The following LIPA variants were observed in gnomAD, a reference collection of about 807,000 sequenced individuals.
LIPA encodes lipase A, lysosomal acid type.
A neutral mutation model predicts 40.6 loss-of-function variants in LIPA; 26 were observed. The observed-to-expected ratio is 0.64, with a 90% CI of 0.47 to 0.89. The LOEUF is 0.89. Among genes scored for constraint, LIPA ranks in the 40% least tolerant of loss-of-function variants. The pLI, the probability that LIPA is intolerant of heterozygous loss-of-function variation, is 0.00. For synonymous variants in LIPA, 188 were observed against 168.4 expected (o/e 1.12, Z -0.90); for missense variants, 455 against 479.6 (o/e 0.95, Z 0.48).
At chr10:89,302,115 A>G (rs1843448770) in intron 1 of LIPA, 1 of 1,613,988 alleles carries the variant, frequency 6.2e-7, no homozygotes, top group Non-Finnish European at 8.5e-7. Context: ...TGAGAATTGC[A>G]CTGCAACCAT....
exon 1 of LIPA, chr10:89,414,544 T>G: frequency 2.3e-6 from 1 of 440,538 alleles, no homozygotes. Context: ...GAAGCTTACG[T>G]TTAGTTTCGA....
At chr10:89,354,655 C>A (rs12249929) in intron 2 of LIPA, among the ~76,000 whole-genome samples, 4,627 of 152,238 alleles carry the variant, frequency 0.03, 127 homozygotes, top group African/African-American at 0.071. Flanking sequence ...GCAACCTCTG[C>A]CTCTCAGGTT....
intron 1 of LIPA, among the ~76,000 whole-genome samples, chr10:89,278,983 G>A (rs149507184): frequency 4.5e-4 from 68 of 152,158 alleles, no homozygotes; most frequent in Middle Eastern, 3.4e-3. Context: ...ATGGTAACAG[G>A]TTTTTACCAA....
chr10:89,373,056 G>A (rs369311214), intron 2 of LIPA, among the ~76,000 whole-genome samples: 75 of 151,352 alleles, frequency 5.0e-4, no homozygotes, highest in Middle Eastern at 3.4e-3. Context: ...ACGTGGGGCC[G>A]GACGCGGTGG....
chr10:89,414,553 G>T, exon 1 of LIPA: 1 of 449,132 alleles, frequency 2.2e-6, no homozygotes, highest in Non-Finnish European at 3.9e-6. Flanking sequence ...GTTTAGTTTC[G>T]ATTTCTTAAG....
chr10:89,396,950 A>G (rs2133620066), intron 2 of LIPA, among the ~76,000 whole-genome samples: 1 of 152,324 alleles, frequency 6.6e-6, no homozygotes, highest in South Asian at 2.1e-4. Flanking sequence ...GATGAGCTGT[A>G]AATATACTTA....
upstream of LIPA, among the ~76,000 whole-genome samples, chr10:89,252,384 A>C (rs954733897): frequency 2.6e-5 from 4 of 152,244 alleles, no homozygotes; most frequent in Non-Finnish European, 2.9e-5. Flanking sequence ...TATAGAAACC[A>C]ACCAAACAAG....
chr10:89,215,196 G>A, intron 9 of LIPA, 135 bp from the exon 10 acceptor site: 1 of 732,476 alleles, frequency 1.4e-6, no homozygotes, highest in Non-Finnish European at 2.4e-6. Flanking sequence ...ATCTCTTTGA[G>A]TATCTTTTCA....
intron 1 of LIPA, among the ~76,000 whole-genome samples, chr10:89,326,576 C>G (rs1267860771): frequency 1.3e-5 from 2 of 152,024 alleles, no homozygotes; most frequent in Non-Finnish European, 2.9e-5. Flanking sequence ...TTCAAAATAA[C>G]TAAAAGAGTA....
At chr10:89,322,242 C>T (rs1337619396) in intron 1 of LIPA, among the ~76,000 whole-genome samples, 2 of 151,926 alleles carry the variant, frequency 1.3e-5, no homozygotes, top group African/African-American at 2.4e-5. Flanking sequence ...GTTTCGAGCT[C>T]GGGGTTAAGA....
intron 2 of LIPA, among the ~76,000 whole-genome samples, chr10:89,379,313 C>T (rs304506): frequency 0.17 from 26,451 of 152,108 alleles, 2,973 homozygotes; most frequent in East Asian, 0.46. Flanking sequence ...CCTAAACCTG[C>T]TGACTCAGAA....
intron 2 of LIPA, chr10:89,383,582 C>A: frequency 6.2e-7 from 1 of 1,614,188 alleles, no homozygotes; most frequent in Non-Finnish European, 8.5e-7. Context: ...GCCAACCAAG[C>A]AGATATTAGA....
Position 89,318,149 on chromosome 10 carries a change from C to T in LIPA, c.-2+24462G>A, listed in dbSNP as rs138528933. On this transcript the variant is annotated intron_variant, in intron 1 of 5. Coordinates refer to the LIPA transcript ENST00000282673. ...AAAGACCATCGGTGCTAGGAAGAAA[C>T]GGCATCAGCTAACGAGCAAAATAAC... 5.6e-3 allele frequency among the ~76,000 whole-genome samples: 852 copies of T among 152,272 alleles called. 3 individuals are homozygous for T. The highest frequency in any genetic ancestry group is 0.024 in the Middle Eastern group (7 of 294).
intron 2 of LIPA, chr10:89,384,767 G>A: frequency 6.8e-7 from 1 of 1,478,590 alleles, no homozygotes; most frequent in Non-Finnish European, 9.2e-7. Flanking sequence ...CCATTTAATG[G>A]TCTTATAACT....
At chr10:89,346,756 G>A (rs1043494997), upstream of LIPA, among the ~76,000 whole-genome samples, 4 of 152,210 alleles carry the variant, frequency 2.6e-5, no homozygotes, top group African/African-American at 9.7e-5. Flanking sequence ...AGATCCACCA[G>A]GGGATGGACA....
chr10:89,266,955 A>C (rs1350461501), intron 1 of LIPA, among the ~76,000 whole-genome samples: 1 of 152,264 alleles, frequency 6.6e-6, no homozygotes, highest in East Asian at 1.9e-4. Context: ...CCTGAAGTGT[A>C]TCTAGTCTAT....
intron 2 of LIPA, among the ~76,000 whole-genome samples, chr10:89,373,998 A>T (rs920490216): frequency 2.6e-5 from 4 of 152,224 alleles, no homozygotes; most frequent in African/African-American, 9.6e-5. Context: ...CCTGGGCTTC[A>T]CTTCCAGAGA....
intron 2 of LIPA, among the ~76,000 whole-genome samples, chr10:89,399,586 A>G (rs1214141499): frequency 7.1e-6 from 1 of 140,000 alleles, no homozygotes; most frequent in Non-Finnish European, 1.5e-5. Flanking sequence ...ACCCTTTTTC[A>G]TCATATATCC....
chr10:89,247,423 T>G (rs1261428973), intron 2 of LIPA, 115 bp downstream of exon 2: 3 of 527,194 alleles, frequency 5.7e-6, no homozygotes, highest in East Asian at 7.5e-5. Context: ...TCAGAGAAAT[T>G]GAAAAGCAAA....
Sources: allele counts gnomAD v4.1 joint callset (sites outside exome capture counted in the v4.1 genomes callset), GRCh38; gene constraint gnomAD v4.1.1; transcripts MANE v1.5; gene names NCBI Gene and HGNC (gene_info 2026-07-23, HGNC 2026-07-21).